Variants in DIAPH3 observed in about 807,000 individuals in gnomAD.
The protein encoded by DIAPH3 is diaphanous related formin 3, also known as protein diaphanous homolog 3.
A neutral mutation model predicts 144.3 loss-of-function variants in DIAPH3; 117 were observed. The observed-to-expected ratio is 0.81, with a 90% CI of 0.70 to 0.95. DIAPH3 has a LOEUF of 0.95. DIAPH3 is among the 40% of genes least tolerant of loss of function. The probability of loss-of-function intolerance (pLI) is 0.00; values close to 1 mark genes in which losing one functional copy is unlikely to be tolerated. For synonymous variants in DIAPH3, 519 were observed against 488.9 expected (o/e 1.06, Z -0.81); for missense variants, 1,421 against 1,412.7 (o/e 1.01, Z -0.09).
chr13:60,055,178 T>C (rs543008276), intron 4 of DIAPH3, among the ~76,000 whole-genome samples: 1 of 151,720 alleles, frequency 6.6e-6, no homozygotes, highest in South Asian at 2.1e-4. Context: ...ATATGCTACT[T>C]CCCCCCTTTT....
chr13:59,949,048 T>G (rs1273422323), intron 17 of DIAPH3, among the ~76,000 whole-genome samples: 1 of 152,078 alleles, frequency 6.6e-6, no homozygotes, highest in East Asian at 1.9e-4. Flanking sequence ...AGAGAAGGGG[T>G]AAAGAAAGCA....
At position 59,987,988 on chromosome 13, in the gene DIAPH3, CTA is replaced by C. The variant is rs530099687; in HGVS notation, c.1361+3168_1361+3169del. 5.3e-5 allele frequency among the ~76,000 whole-genome samples: 8 copies of C among 151,912 alleles called. No homozygotes were observed. In the South Asian group the frequency reaches 1.7e-3, roughly 32 times the overall value. Reference sequence around the variant, plus strand: ...ATGACTTTTAACATACTTTTCCTCTCTAAATTCTAAAGTGTGGGTCCCTCAAG... The same window carrying C: ...ATGACTTTTAACATACTTTTCCTCTCAATTCTAAAGTGTGGGTCCCTCAAG... On this transcript the variant is annotated intron_variant, in intron 12 of 27. Coordinates refer to ENST00000400324, the MANE Select transcript of DIAPH3 (RefSeq NM_001042517.2).
chr13:59,852,205 T>A (rs1448718838), intron 22 of DIAPH3, among the ~76,000 whole-genome samples: 2 of 152,178 alleles, frequency 1.3e-5, no homozygotes, highest in African/African-American at 4.8e-5. Flanking sequence ...CAATTTTAAA[T>A]CTATACTTAA....
intron 7 of DIAPH3, 149 bp from the exon 8 acceptor site, chr13:60,010,818 G>T: frequency 2.5e-6 from 2 of 807,672 alleles, no homozygotes; most frequent in Non-Finnish European, 3.8e-6. Context: ...ACTCTAAAAA[G>T]TTCATGGCTG....
intron 20 of DIAPH3, among the ~76,000 whole-genome samples, chr13:59,889,561 T>G (rs2140115205): frequency 6.6e-6 from 1 of 152,226 alleles, no homozygotes; most frequent in South Asian, 2.1e-4. Flanking sequence ...ATTTGTAGTA[T>G]CCTTATTTTG....
In DIAPH3 at chr13:59,856,921, T is replaced by C. The variant is rs1593702137; in HGVS notation, c.2737+4486A>G. ...TGGTAAAAAAAAAAAAAAAGTGTCT[T>C]TTCATAACATTCTAATATTCTACTC... On this transcript the variant is annotated intron_variant, in intron 22 of 27. Transcript: ENST00000400324. 4.6e-5 allele frequency among the ~76,000 whole-genome samples: 7 copies of C among 152,136 alleles called. 1 individual carries two copies. The South Asian group carries it at 1.5e-3, about 32-fold the overall frequency.
chr13:60,003,736 G>A (rs2052675467), intron 9 of DIAPH3, among the ~76,000 whole-genome samples: 1 of 151,724 alleles, frequency 6.6e-6, no homozygotes, highest in Admixed American at 6.6e-5. Flanking sequence ...AACACGCAAG[G>A]CAATTTTTTT....
chr13:59,998,235 AG>A (rs1184161438), intron 9 of DIAPH3, among the ~76,000 whole-genome samples: 1 of 152,184 alleles, frequency 6.6e-6, no homozygotes, highest in African/African-American at 2.4e-5. Context: ...GGGATACTAA[AG>A]AACAAACTTG....
intron 17 of DIAPH3, among the ~76,000 whole-genome samples, chr13:59,969,483 C>T (rs1391569857): frequency 6.6e-6 from 1 of 152,112 alleles, no homozygotes; most frequent in African/African-American, 2.4e-5. Flanking sequence ...TTGCTGCACC[C>T]ATCAACCCGT....
chr13:60,042,769 G>T lies in DIAPH3; in HGVS notation c.547C>A (p.Leu183Met). The change falls in exon 5 of 28, where the codon CTG (leucine) becomes ATG (methionine). Residue 183 changes from leucine to methionine, a missense_variant. Transcript: ENST00000400324. ...QISPQEFIHE[L>M]KMGSADERLV... ...CTCTCATCTGCAGACCCCATTTTCA[G>T]CTCATGAATGAATTCCTGAGGTGAG... is the stretch of plus-strand genomic sequence containing the variant. 6.2e-7 allele frequency: 1 copy of T among 1,613,718 alleles called. No homozygotes were observed. The highest frequency in any genetic ancestry group is 8.5e-7 in the Non-Finnish European group (1 of 1,179,766).
chr13:60,009,627 G>A (rs2053115656), intron 8 of DIAPH3, among the ~76,000 whole-genome samples: 1 of 152,210 alleles, frequency 6.6e-6, no homozygotes, highest in South Asian at 2.1e-4. Flanking sequence ...GCTGCTGGGT[G>A]TGGCAACACC....
At chr13:60,069,537 G>A (rs765013027) in intron 4 of DIAPH3, among the ~76,000 whole-genome samples, 4 of 151,858 alleles carry the variant, frequency 2.6e-5, no homozygotes, top group African/African-American at 4.8e-5. Flanking sequence ...AGTCTCCATC[G>A]TAAAATATTT....
chr13:59,952,102 C>G (rs147099647), intron 17 of DIAPH3, among the ~76,000 whole-genome samples: 3 of 152,200 alleles, frequency 2.0e-5, no homozygotes, highest in Admixed American at 6.5e-5. Context: ...CTGACACATG[C>G]TACAATGCAT....
At chr13:59,784,138 A>G (rs1225443464) in intron 25 of DIAPH3, among the ~76,000 whole-genome samples, 2 of 152,188 alleles carry the variant, frequency 1.3e-5, no homozygotes, top group Non-Finnish European at 2.9e-5. Flanking sequence ...GCTGGAGTGC[A>G]GTGGCGCGAT....
chr13:60,107,967 G>A (rs936759028), intron 3 of DIAPH3, among the ~76,000 whole-genome samples: 1 of 152,132 alleles, frequency 6.6e-6, no homozygotes, highest in African/African-American at 2.4e-5. Flanking sequence ...CATGAAAAAA[G>A]CTATCTTCCA....
chr13:60,137,530 C>T (rs1024755470), intron 1 of DIAPH3, among the ~76,000 whole-genome samples: 15 of 152,096 alleles, frequency 9.9e-5, no homozygotes, highest in African/African-American at 3.6e-4. Context: ...CAAGACTTTT[C>T]GCAAATTTTA....
chr13:59,749,052 G>A (rs935708232), intron 27 of DIAPH3, among the ~76,000 whole-genome samples: 3 of 150,768 alleles, frequency 2.0e-5, no homozygotes, highest in Admixed American at 2.0e-4. Context: ...CGTCTCTACT[G>A]AGAGTGAGAT....
intron 17 of DIAPH3, among the ~76,000 whole-genome samples, chr13:59,927,319 C>T (rs995126486): frequency 6.6e-6 from 1 of 152,090 alleles, no homozygotes; most frequent in Non-Finnish European, 1.5e-5. Context: ...TACTTATAAT[C>T]AAGGTCATTA....
intron 23 of DIAPH3, among the ~76,000 whole-genome samples, chr13:59,835,726 A>C (rs911672480): frequency 1.3e-5 from 2 of 151,560 alleles, no homozygotes; most frequent in East Asian, 3.9e-4. Context: ...CCCACTTCCC[A>C]CTCTTACAAC....
Sources: allele counts gnomAD v4.1 joint callset (sites outside exome capture counted in the v4.1 genomes callset), GRCh38; gene constraint gnomAD v4.1.1; transcripts MANE v1.5; gene names NCBI Gene and HGNC (gene_info 2026-07-23, HGNC 2026-07-21).